The following ATCAY variants were observed in gnomAD, a reference collection of about 807,000 sequenced individuals.
ATCAY encodes the protein caytaxin.
In ATCAY, 22 loss-of-function variants were observed where a neutral mutation model predicts 47.7. That is an observed-to-expected ratio of 0.46 (90% CI 0.33 to 0.66). The LOEUF (loss-of-function observed/expected upper bound fraction) is 0.66. Ranked by LOEUF, ATCAY falls within the 30% of genes least tolerant of loss-of-function variation. The pLI, the probability that ATCAY is intolerant of heterozygous loss-of-function variation, is 0.02. For synonymous variants in ATCAY, 216 were observed against 207.6 expected (o/e 1.04, Z -0.35); for missense variants, 452 against 515.0 (o/e 0.88, Z 1.18).
At chr19:3,902,661 C>G (rs1040731297) in intron 3 of ATCAY, 116 bp downstream of exon 3, 4 of 1,180,508 alleles carry the variant, frequency 3.4e-6, no homozygotes, top group Non-Finnish European at 4.8e-6. Context: ...GTAGAATGTT[C>G]TGTCCTGGGG....
rs533182340 is a variant in ATCAY, at chr19:3,890,894, C to G, written c.77+5050C>G. On this transcript the variant is annotated intron_variant, in intron 2 of 12. Coordinates refer to ENST00000450849, the MANE Select transcript of ATCAY (RefSeq NM_033064.5). Reference sequence around the variant, plus strand: ...AGTCGGCTCCTCGGTGCAGGTCCAGCTGCGGCCACACATAACCACCTCTGT... The same window carrying G: ...AGTCGGCTCCTCGGTGCAGGTCCAGGTGCGGCCACACATAACCACCTCTGT... Among the ~76,000 whole-genome samples, 14 of 152,286 alleles carry G rather than the reference C, an allele frequency of 9.2e-5. No individual in the cohort carries two copies. In the South Asian group the frequency reaches 2.9e-3, roughly 32 times the overall value.
chr19:3,922,575 A>G (rs2039030309), intron 12 of ATCAY, among the ~76,000 whole-genome samples: 1 of 152,176 alleles, frequency 6.6e-6, no homozygotes, highest in African/African-American at 2.4e-5. Flanking sequence ...GACACAGCCC[A>G]ACCATATCAG....
At chr19:3,897,321 A>G (rs1313773465) in intron 2 of ATCAY, among the ~76,000 whole-genome samples, 1 of 145,828 alleles carries the variant, frequency 6.9e-6, no homozygotes, top group Non-Finnish European at 1.5e-5. Flanking sequence ...ATATCTATCT[A>G]TATCGCCTCG....
intron 9 of ATCAY, among the ~76,000 whole-genome samples, chr19:3,916,880 T>C (rs1220257298): frequency 6.6e-6 from 1 of 151,632 alleles, no homozygotes; most frequent in Non-Finnish European, 1.5e-5. Flanking sequence ...CAATCTCGGC[T>C]CACCATATCC....
At chr19:3,914,880 C>T (rs190137005) in intron 9 of ATCAY, among the ~76,000 whole-genome samples, 3 of 151,950 alleles carry the variant, frequency 2.0e-5, no homozygotes, top group African/African-American at 7.2e-5. Flanking sequence ...CCCCCAACAC[C>T]CCCCCACCGG....
chr19:3,893,989 G>C (rs1296467163), intron 2 of ATCAY, among the ~76,000 whole-genome samples: 1 of 152,086 alleles, frequency 6.6e-6, no homozygotes, highest in Non-Finnish European at 1.5e-5. Flanking sequence ...CCTCTGCAGT[G>C]CCTTCCATCT....
At chr19:3,893,171 CTT>C (rs34910855) in intron 2 of ATCAY, among the ~76,000 whole-genome samples, 57,694 of 111,868 alleles carry the variant, frequency 0.52, 15,294 homozygotes, top group Non-Finnish European at 0.64. Flanking sequence ...GGGACCCCCA[CTT>C]TTTTTTTTTT....
At chr19:3,920,733 AAAT>A in intron 11 of ATCAY, 30 bp from the exon 12 acceptor site, 1 of 1,544,798 alleles carries the variant, frequency 6.5e-7, no homozygotes. Context: ...AAAAATAAGC[AAAT>A]AACGCCCAGT....
At chr19:3,893,842 C>A (rs1018527257) in intron 2 of ATCAY, among the ~76,000 whole-genome samples, 6 of 152,090 alleles carry the variant, frequency 3.9e-5, no homozygotes, top group Non-Finnish European at 7.4e-5. Context: ...CACTGCCTCT[C>A]CCTGGCCCTC....
rs552428603 is a variant in ATCAY, at chr19:3,916,877, G to A, written c.966-865G>A. ...CGCTGGAACGCAATGGCGCAATCTC[G>A]GCTCACCATATCCTCCAGCTTCTAC... On this transcript the variant is annotated intron_variant, in intron 9 of 12. Coordinates refer to ENST00000450849, the MANE Select transcript of ATCAY (RefSeq NM_033064.5). Among the ~76,000 whole-genome samples, 233 of 151,442 alleles carry A rather than the reference G, an allele frequency of 1.5e-3. 1 individual carries two copies. The highest frequency in any genetic ancestry group is 1.8e-3 in the Admixed American group (27 of 15,164).
intron 2 of ATCAY, among the ~76,000 whole-genome samples, chr19:3,887,695 C>T (rs544683250): frequency 1.1e-4 from 16 of 150,482 alleles, no homozygotes; most frequent in East Asian, 6.1e-4. Context: ...ACCATGTTAG[C>T]CAGGATGGTC....
intron 9 of ATCAY, among the ~76,000 whole-genome samples, chr19:3,917,300 A>G (rs1029226917): frequency 1.3e-5 from 2 of 151,604 alleles, no homozygotes; most frequent in African/African-American, 4.8e-5. Flanking sequence ...AAAAAAGAGA[A>G]GAGGCCGGGC....
intron 2 of ATCAY, among the ~76,000 whole-genome samples, chr19:3,892,778 G>C (rs938901712): frequency 1.3e-5 from 2 of 151,864 alleles, no homozygotes; most frequent in African/African-American, 2.4e-5. Flanking sequence ...TGTGGTGGCG[G>C]GCACCTGTAA....
Position 3,921,723 on chromosome 19 carries a change from C to A in ATCAY, c.1106+925C>A, listed in dbSNP as rs2039021380. Among the ~76,000 whole-genome samples, 3 of 151,978 alleles carry A rather than the reference C, an allele frequency of 2.0e-5. No homozygotes were observed. In the South Asian group the frequency reaches 6.2e-4, roughly 32 times the overall value. ...GACCAGCCTGGCCAATATGGTGAAA[C>A]CCCATCTCTACTAAAAATATAAAAT... is the stretch of plus-strand genomic sequence containing the variant. On this transcript the variant is annotated intron_variant, in intron 12 of 12. Coordinates refer to ENST00000450849, the MANE Select transcript of ATCAY (RefSeq NM_033064.5).
chr19:3,891,784 G>T (rs1387050984), intron 2 of ATCAY, among the ~76,000 whole-genome samples: 2 of 152,058 alleles, frequency 1.3e-5, no homozygotes, highest in African/African-American at 4.8e-5. Flanking sequence ...AGGGTGAGCT[G>T]CCCCATAGCT....
At chr19:3,881,876 C>CCCCA (rs2038604539) in intron 1 of ATCAY, among the ~76,000 whole-genome samples, 1 of 139,784 alleles carries the variant, frequency 7.2e-6, no homozygotes, top group African/African-American at 2.8e-5. Flanking sequence ...GCCCCCCCCC[C>CCCCA]GACCCCATAG....
intron 2 of ATCAY, among the ~76,000 whole-genome samples, chr19:3,888,007 C>T (rs1430899160): frequency 3.3e-5 from 5 of 151,374 alleles, no homozygotes; most frequent in South Asian, 4.2e-4. Flanking sequence ...CCCCAGTACT[C>T]GGGAGGCTGA....
chr19:3,898,615 T>C (rs1172144662), intron 2 of ATCAY, among the ~76,000 whole-genome samples: 2 of 152,210 alleles, frequency 1.3e-5, no homozygotes, highest in Admixed American at 6.6e-5. Context: ...CAGGGCTAAA[T>C]AGTATTCCAT....
chr19:3,923,181 A>AAGT (rs2039034668), intron 12 of ATCAY, among the ~76,000 whole-genome samples: 2 of 151,574 alleles, frequency 1.3e-5, no homozygotes, highest in African/African-American at 4.8e-5. Context: ...GCACTGAGTA[A>AAGT]AAGTTCTCAA....
Sources: allele counts gnomAD v4.1 joint callset (sites outside exome capture counted in the v4.1 genomes callset), GRCh38; gene constraint gnomAD v4.1.1; transcripts MANE v1.5; gene names NCBI Gene and HGNC (gene_info 2026-07-23, HGNC 2026-07-21).